Variants in DOK6 observed in about 807,000 individuals in gnomAD.
The protein encoded by DOK6 is downstream of tyrosine kinase 6.
DOK6 carries 22 observed loss-of-function variants against 44.0 expected under a neutral mutation model. The observed-to-expected ratio is 0.50, with a 90% CI of 0.36 to 0.71. The LOEUF (loss-of-function observed/expected upper bound fraction) is 0.71. DOK6 is among the 30% of genes least tolerant of loss of function. The probability of loss-of-function intolerance (pLI) is 0.00; values close to 1 mark genes in which losing one functional copy is unlikely to be tolerated. For missense variants in DOK6, 340 were observed against 416.4 expected (o/e 0.82, Z 1.60); for synonymous variants, 166 against 145.5 (o/e 1.14, Z -1.01).
chr18:69,621,884 A>G (rs1292335088), intron 3 of DOK6, among the ~76,000 whole-genome samples: 1 of 152,196 alleles, frequency 6.6e-6, no homozygotes, highest in Non-Finnish European at 1.5e-5. Flanking sequence ...AAAATAAAAA[A>G]TGATCTTACA....
intron 1 of DOK6, among the ~76,000 whole-genome samples, chr18:69,416,908 A>G (rs764560820): frequency 6.6e-6 from 1 of 152,102 alleles, no homozygotes; most frequent in African/African-American, 2.4e-5. Context: ...AGGTTATGGC[A>G]ATTATGCTAT....
At chr18:69,734,393 C>CAAAAAGA (rs1978527913) in intron 5 of DOK6, among the ~76,000 whole-genome samples, 1 of 48,500 alleles carries the variant, frequency 2.1e-5, no homozygotes, top group African/African-American at 6.8e-5. Context: ...TTCATAGCAG[C>CAAAAAGA]AAAAAAAAAA....
At chr18:69,567,677 A>T (rs1983016703) in intron 2 of DOK6, among the ~76,000 whole-genome samples, 1 of 152,152 alleles carries the variant, frequency 6.6e-6, no homozygotes, top group Non-Finnish European at 1.5e-5. Flanking sequence ...CATAACAGTG[A>T]TCCTCTGACA....
intron 1 of DOK6, among the ~76,000 whole-genome samples, chr18:69,535,248 T>G (rs931096936): frequency 1.3e-5 from 2 of 152,082 alleles, no homozygotes; most frequent in African/African-American, 4.8e-5. Flanking sequence ...TCTTAATAGT[T>G]TTTCTTATAT....
intron 5 of DOK6, among the ~76,000 whole-genome samples, chr18:69,719,274 A>G (rs1986952872): frequency 6.6e-6 from 1 of 152,192 alleles, no homozygotes; most frequent in African/African-American, 2.4e-5. Context: ...TCATAGGAGT[A>G]TTGAAACTGT....
At chr18:69,727,819 TG>T (rs1447852576) in intron 5 of DOK6, among the ~76,000 whole-genome samples, 1 of 152,242 alleles carries the variant, frequency 6.6e-6, no homozygotes, top group African/African-American at 2.4e-5. Flanking sequence ...CCCTTCTCAC[TG>T]GGAAGGGGAT....
intron 5 of DOK6, among the ~76,000 whole-genome samples, chr18:69,703,460 A>G (rs1042500782): frequency 6.6e-6 from 1 of 152,254 alleles, no homozygotes. Flanking sequence ...TGATTTCAAT[A>G]TAATATAGGA....
chr18:69,694,807 G>A lies in DOK6; in HGVS notation c.410-3597G>A, dbSNP rs546635583. ...CCTTTTCAGTACTTTTGGGTATTTG[G>A]GAATGGGTTTAGTTTTCTTTAATAA... On this transcript the variant is annotated intron_variant, in intron 4 of 7. Coordinates refer to ENST00000382713, the MANE Select transcript of DOK6 (RefSeq NM_152721.6). Among the ~76,000 whole-genome samples, 47 of 152,182 alleles carry A rather than the reference G, an allele frequency of 3.1e-4. 1 individual carries two copies. The South Asian group carries it at 7.9e-3, about 26-fold the overall frequency.
In DOK6 at chr18:69,693,917, G is replaced by T. The variant is rs1044050677; in HGVS notation, c.410-4487G>T. On this transcript the variant is annotated intron_variant, in intron 4 of 7. Transcript: ENST00000382713. ...ACTAAAAATACAAAAAAATTAGCCGGGCGTGGTGGCGGGCGCCTGTAGTCC... is the reference window on the plus strand; with the variant it reads ...ACTAAAAATACAAAAAAATTAGCCGTGCGTGGTGGCGGGCGCCTGTAGTCC... 7.3e-5 allele frequency among the ~76,000 whole-genome samples: 11 copies of T among 151,658 alleles called. No individual in the cohort carries two copies. The East Asian group carries it at 1.7e-3, about 24-fold the overall frequency.
intron 1 of DOK6, among the ~76,000 whole-genome samples, chr18:69,447,194 C>T (rs1262420853): frequency 6.6e-6 from 1 of 152,176 alleles, no homozygotes; most frequent in Non-Finnish European, 1.5e-5. Context: ...TTAGGTCTAA[C>T]ATTTAAGTCT....
chr18:69,597,704 G>A (rs1394087297), intron 2 of DOK6, among the ~76,000 whole-genome samples: 1 of 144,776 alleles, frequency 6.9e-6, no homozygotes, highest in Non-Finnish European at 1.6e-5. Flanking sequence ...ACACAGCATC[G>A]CCTGCTCAAC....
intron 7 of DOK6, among the ~76,000 whole-genome samples, chr18:69,834,795 C>T (rs1981996661): frequency 6.6e-6 from 1 of 152,168 alleles, no homozygotes; most frequent in East Asian, 1.9e-4. Context: ...ATTAGATACT[C>T]TGTATGTATT....
intron 1 of DOK6, among the ~76,000 whole-genome samples, chr18:69,513,370 A>G (rs1282995009): frequency 6.6e-6 from 1 of 152,212 alleles, no homozygotes; most frequent in Non-Finnish European, 1.5e-5. Context: ...GTGCGCACAC[A>G]CATATACTCA....
intron 5 of DOK6, among the ~76,000 whole-genome samples, chr18:69,730,605 A>G (rs1978369532): frequency 6.6e-6 from 1 of 152,022 alleles, no homozygotes; most frequent in Admixed American, 6.5e-5. Context: ...ATTTTCGATG[A>G]AGATTGTTTT....
chr18:69,711,439 T>C (rs554349352), intron 5 of DOK6, among the ~76,000 whole-genome samples: 2 of 152,246 alleles, frequency 1.3e-5, no homozygotes, highest in Non-Finnish European at 2.9e-5. Flanking sequence ...GTAGAACTTT[T>C]ACTAAATTTT....
intron 5 of DOK6, among the ~76,000 whole-genome samples, chr18:69,726,654 T>G: frequency 6.7e-6 from 1 of 150,236 alleles, no homozygotes; most frequent in Admixed American, 6.8e-5. Flanking sequence ...TGTACATGTA[T>G]GTATATGTGT....
At chr18:69,594,182 ATTT>A (rs35613271) in intron 2 of DOK6, among the ~76,000 whole-genome samples, 1 of 148,100 alleles carries the variant, frequency 6.8e-6, no homozygotes, top group Non-Finnish European at 1.5e-5. Flanking sequence ...ATTGATGTTT[ATTT>A]TTTTTTTTTA....
chr18:69,454,839 CAT>C (rs1979576734), intron 1 of DOK6, among the ~76,000 whole-genome samples: 2 of 143,740 alleles, frequency 1.4e-5, no homozygotes, highest in Admixed American at 1.4e-4. Context: ...TATTCTCACT[CAT>C]AGGTGGGAAT....
chr18:69,702,712 T>G (rs1986549349), intron 5 of DOK6, among the ~76,000 whole-genome samples: 1 of 152,210 alleles, frequency 6.6e-6, no homozygotes, highest in African/African-American at 2.4e-5. Flanking sequence ...TATGAGTGAA[T>G]GTGGTGACGT....
Sources: gnomAD v4.1 joint callset for allele counts (sites outside exome capture counted in the v4.1 genomes callset) on GRCh38, gnomAD v4.1.1 for gene constraint, MANE v1.5 for transcripts, NCBI Gene and HGNC (gene_info 2026-07-23, HGNC 2026-07-21) for gene names.